Variants in KCNIP4 observed in about 807,000 individuals in gnomAD.
KCNIP4 encodes the protein potassium voltage-gated channel interacting protein 4, also known as Kv channel-interacting protein 4.
A neutral mutation model predicts 34.0 loss-of-function variants in KCNIP4; 12 were observed. The observed-to-expected ratio is 0.35, with a 90% CI of 0.23 to 0.57. KCNIP4 has a LOEUF of 0.57. Ranked by LOEUF, KCNIP4 falls within the 20% of genes least tolerant of loss-of-function variation. The pLI is 0.83. For missense variants in KCNIP4, 238 were observed against 311.7 expected (o/e 0.76, Z 1.78); for synonymous variants, 124 against 102.2 (o/e 1.21, Z -1.29).
At chr4:21,081,365 A>AT (rs1294813060) in intron 1 of KCNIP4, among the ~76,000 whole-genome samples, 3 of 151,728 alleles carry the variant, frequency 2.0e-5, no homozygotes, top group East Asian at 3.9e-4. Flanking sequence ...TTATGCCCAT[A>AT]TTTTTTTGAT....
rs181804309 is a variant in KCNIP4 at position 20,920,793 on chromosome 4, C to A, written c.62-38084G>T. Reference sequence around the variant, plus strand: ...GATCACAAGGTCAGGAGTTCGAGACCAGCCTGGCCAATATGATGAAACCCT... The same window carrying A: ...GATCACAAGGTCAGGAGTTCGAGACAAGCCTGGCCAATATGATGAAACCCT... On this transcript the variant is annotated intron_variant, in intron 1 of 8. Transcript: ENST00000382152. Among the ~76,000 whole-genome samples, 395 of 152,222 alleles carry A rather than the reference C, an allele frequency of 2.6e-3. 2 individuals are homozygous for A. The highest frequency in any genetic ancestry group is 9.1e-3 in the African/African-American group (378 of 41,518).
intron 1 of KCNIP4, among the ~76,000 whole-genome samples, chr4:21,289,970 G>C (rs570128475): frequency 1.3e-5 from 2 of 152,092 alleles, no homozygotes; most frequent in South Asian, 4.2e-4. Flanking sequence ...GAAATGGTTT[G>C]TCCCTAAGAA....
chr4:21,304,235 A>C (rs923838693), intron 1 of KCNIP4, among the ~76,000 whole-genome samples: 1 of 152,224 alleles, frequency 6.6e-6, no homozygotes, highest in African/African-American at 2.4e-5. Flanking sequence ...GGCCAGAAGT[A>C]GCAGCCGGAT....
At chr4:20,751,353 A>G (rs1753589838) in intron 4 of KCNIP4, among the ~76,000 whole-genome samples, 1 of 152,192 alleles carries the variant, frequency 6.6e-6, no homozygotes, top group African/African-American at 2.4e-5. Flanking sequence ...CAGGAGTTTA[A>G]TTACCATAAA....
intron 1 of KCNIP4, among the ~76,000 whole-genome samples, chr4:20,944,643 G>A (rs978759899): frequency 6.6e-6 from 1 of 152,194 alleles, no homozygotes; most frequent in Non-Finnish European, 1.5e-5. Context: ...TTGCGGGTTT[G>A]CCTGGCAGCT....
intron 1 of KCNIP4, among the ~76,000 whole-genome samples, chr4:21,070,606 T>A (rs1425880549): frequency 6.6e-6 from 1 of 151,756 alleles, no homozygotes; most frequent in South Asian, 2.1e-4. Context: ...AAGTATGTGT[T>A]CATATCTTTT....
chr4:21,531,454 C>A (rs1355456725), intron 1 of KCNIP4, among the ~76,000 whole-genome samples: 1 of 151,412 alleles, frequency 6.6e-6, no homozygotes, highest in South Asian at 2.1e-4. Flanking sequence ...CAGCTCACTG[C>A]AACCTCCACC....
intron 1 of KCNIP4, among the ~76,000 whole-genome samples, chr4:21,526,904 G>A (rs977084420): frequency 6.6e-6 from 1 of 152,194 alleles, no homozygotes; most frequent in Non-Finnish European, 1.5e-5. Flanking sequence ...GTGAGGAAAT[G>A]CTTTTTCCTT....
intron 1 of KCNIP4, among the ~76,000 whole-genome samples, chr4:21,632,326 TC>T (rs1365397357): frequency 5.9e-5 from 9 of 152,116 alleles, no homozygotes; most frequent in African/African-American, 2.2e-4. Context: ...GGATCCTCCT[TC>T]CTCAGCCTCC....
intron 1 of KCNIP4, among the ~76,000 whole-genome samples, chr4:21,520,550 G>A (rs2109955066): frequency 6.6e-6 from 1 of 152,224 alleles, no homozygotes; most frequent in Middle Eastern, 3.4e-3. Flanking sequence ...AAAATTCACA[G>A]AAGCGTTATT....
At chr4:21,861,098 G>A (rs1725049205) in intron 1 of KCNIP4, among the ~76,000 whole-genome samples, 1 of 152,078 alleles carries the variant, frequency 6.6e-6, no homozygotes, top group Admixed American at 6.6e-5. Flanking sequence ...AATTATTCAA[G>A]GTGTAACATC....
At chr4:21,132,994 C>G (rs1160790347) in intron 1 of KCNIP4, among the ~76,000 whole-genome samples, 1 of 146,810 alleles carries the variant, frequency 6.8e-6, no homozygotes, top group African/African-American at 2.5e-5. Context: ...GCCTGGGCAA[C>G]AGAGTGAGGC....
chr4:21,217,692 C>T (rs1460048826), intron 1 of KCNIP4, among the ~76,000 whole-genome samples: 1 of 151,974 alleles, frequency 6.6e-6, no homozygotes, highest in Non-Finnish European at 1.5e-5. Context: ...AAATACAAGG[C>T]AAAGAGCAAT....
chr4:21,486,049 G>A (rs1330460768), intron 1 of KCNIP4, among the ~76,000 whole-genome samples: 4 of 152,168 alleles, frequency 2.6e-5, no homozygotes, highest in Admixed American at 2.0e-4. Flanking sequence ...AATCAACCTC[G>A]ATTTTTCCCA....
chr4:20,955,962 A>C (rs1733260962), intron 1 of KCNIP4, among the ~76,000 whole-genome samples: 1 of 152,204 alleles, frequency 6.6e-6, no homozygotes, highest in Non-Finnish European at 1.5e-5. Flanking sequence ...ATTTCTCAGC[A>C]ATGCTCATTA....
intron 1 of KCNIP4, among the ~76,000 whole-genome samples, chr4:21,171,048 T>C (rs576588241): frequency 6.6e-6 from 1 of 152,336 alleles, no homozygotes; most frequent in South Asian, 2.1e-4. Context: ...ATTTTTCAGT[T>C]CAGTTGCTCT....
intron 1 of KCNIP4, among the ~76,000 whole-genome samples, chr4:21,556,931 A>AAAAAAAAAAAAAAAAAACC (rs1560514270): frequency 3.0e-5 from 4 of 134,186 alleles, no homozygotes; most frequent in African/African-American, 1.1e-4. Context: ...AGAAAAAAAA[A>AAAAAAAAAAAAAAAAAACC]AAAAAAAAAA....
At chr4:21,175,469 T>A (rs1300825731) in intron 1 of KCNIP4, among the ~76,000 whole-genome samples, 3 of 152,224 alleles carry the variant, frequency 2.0e-5, no homozygotes, top group Admixed American at 2.0e-4. Context: ...AGAAGATTCA[T>A]TCTTACCCTA....
In KCNIP4 at chr4:21,556,930, A is replaced by AAAAAAAAAAAAAAAAAAAAAAC. The variant is rs1553903108; in HGVS notation, c.61+391640_61+391641insGTTTTTTTTTTTTTTTTTTTTT. ...AGCAAGACTCCATCTCAGAAAAAAAAAAAAAAAAAAAAACCAGAAAACAAA... is the reference window on the plus strand; with the variant it reads ...AGCAAGACTCCATCTCAGAAAAAAAAAAAAAAAAAAAAAAAAAAAAACAAAAAAAAAAAAACCAGAAAACAAA... On this transcript the variant is annotated intron_variant, in intron 1 of 8. Coordinates refer to ENST00000382152, the MANE Select transcript of KCNIP4 (RefSeq NM_025221.6). Among the ~76,000 whole-genome samples, 202 of 108,100 alleles carry AAAAAAAAAAAAAAAAAAAAAAC rather than the reference A, an allele frequency of 1.9e-3. 6 individuals carry two copies. Among genetic ancestry groups the AAAAAAAAAAAAAAAAAAAAAAC allele is most frequent in the East Asian group, 3.6e-3 (11 of 3,086 alleles). The allele number at this position is 108,100 out of a possible 152,430, so 70.9% of individuals were successfully genotyped here.
Sources: allele counts gnomAD v4.1 joint callset (sites outside exome capture counted in the v4.1 genomes callset), GRCh38; gene constraint gnomAD v4.1.1; transcripts MANE v1.5; gene names NCBI Gene and HGNC (gene_info 2026-07-23, HGNC 2026-07-21).